UNC13C: variants seen among roughly 807,000 people sequenced by gnomAD.
UNC13C encodes unc-13 homolog C.
UNC13C carries 174 observed loss-of-function variants against 245.4 expected under a neutral mutation model. The observed-to-expected ratio is 0.71, with a 90% confidence interval of 0.63 to 0.80. UNC13C has a LOEUF of 0.80. Ranked by LOEUF, UNC13C falls within the 30% of genes least tolerant of loss-of-function variation. The pLI is 0.00. For synonymous variants in UNC13C, 992 were observed against 895.1 expected (o/e 1.11, Z -1.93); for missense variants, 2,829 against 2,602.9 (o/e 1.09, Z -1.89).
intron 30 of UNC13C, among the ~76,000 whole-genome samples, chr15:54,587,397 T>C (rs1399159381): frequency 6.6e-6 from 1 of 152,182 alleles, no homozygotes; most frequent in Non-Finnish European, 1.5e-5. Context: ...CTGCATGTCT[T>C]CCCAGTTTTT....
At chr15:53,858,666 G>A in the UNC13C span, among the ~76,000 whole-genome samples, 73,065 of 151,684 alleles carry the variant, frequency 0.48, 17,943 homozygotes, top group East Asian at 0.62. Flanking sequence ...TGATCCACCC[G>A]CCTCAGCATC....
chr15:54,175,194 T>C (rs2033564594), intron 4 of UNC13C, among the ~76,000 whole-genome samples: 2 of 152,184 alleles, frequency 1.3e-5, no homozygotes, highest in Non-Finnish European at 2.9e-5. Flanking sequence ...AAGCCCTAAA[T>C]CTTATCTCTC....
At chr15:54,250,178 A>G in intron 7 of UNC13C, 47 bp from the exon 8 acceptor site, 1 of 1,560,202 alleles carries the variant, frequency 6.4e-7, no homozygotes, top group East Asian at 2.2e-5. Context: ...AAACAATTCA[A>G]ATCCACTGAC....
intron 17 of UNC13C, among the ~76,000 whole-genome samples, chr15:54,368,353 T>G (rs2039413249): frequency 6.6e-6 from 1 of 152,104 alleles, no homozygotes; most frequent in Non-Finnish European, 1.5e-5. Context: ...CCTTTTAAAT[T>G]ATCAAATCTT....
At chr15:54,006,821 C>T (rs1238876448) in intron 1 of UNC13C, among the ~76,000 whole-genome samples, 1 of 152,192 alleles carries the variant, frequency 6.6e-6, no homozygotes, top group Non-Finnish European at 1.5e-5. Context: ...CCTTCCATCT[C>T]CAGCTACTCT....
At chr15:54,321,486 C>G (rs1176127681) in intron 13 of UNC13C, 1 of 481,370 alleles carries the variant, frequency 2.1e-6, no homozygotes, top group South Asian at 1.5e-5. Flanking sequence ...ACCTCCTCCA[C>G]AGTGGCATAT....
At chr15:54,138,927 G>GTGCATATA (rs2031869066) in intron 2 of UNC13C, among the ~76,000 whole-genome samples, 1 of 111,992 alleles carries the variant, frequency 8.9e-6, no homozygotes, top group East Asian at 2.7e-4. Flanking sequence ...ATTATTGTGT[G>GTGCATATA]TGCATATATC....
intron 2 of UNC13C, among the ~76,000 whole-genome samples, chr15:54,127,733 T>C (rs973696184): frequency 7.6e-6 from 1 of 131,012 alleles, no homozygotes; most frequent in African/African-American, 2.9e-5. Flanking sequence ...ATAAAATATA[T>C]ATTAAATATA....
intron 4 of UNC13C, among the ~76,000 whole-genome samples, chr15:54,201,552 G>A (rs2034523226): frequency 6.6e-6 from 1 of 151,654 alleles, no homozygotes; most frequent in East Asian, 1.9e-4. Flanking sequence ...AAACAGAATT[G>A]AAAACAAAAG....
chr15:54,372,939 T>C (rs2039523153), intron 17 of UNC13C, among the ~76,000 whole-genome samples: 1 of 152,198 alleles, frequency 6.6e-6, no homozygotes, highest in Non-Finnish European at 1.5e-5. Context: ...TTATGAACTA[T>C]GGTACTGGAT....
At chr15:54,228,930 G>T (rs576341310) in intron 4 of UNC13C, among the ~76,000 whole-genome samples, 3 of 152,168 alleles carry the variant, frequency 2.0e-5, no homozygotes, top group African/African-American at 7.2e-5. Context: ...AGGATTTTCA[G>T]TCCTTGTACC....
chr15:54,120,869 C>A (rs547100381), intron 2 of UNC13C, among the ~76,000 whole-genome samples: 1 of 151,980 alleles, frequency 6.6e-6, no homozygotes, highest in Non-Finnish European at 1.5e-5. Flanking sequence ...AGATATGAAG[C>A]CTGAAAGTGG....
chr15:54,302,846 G>A (rs1442526765), intron 13 of UNC13C, among the ~76,000 whole-genome samples: 1 of 152,034 alleles, frequency 6.6e-6, no homozygotes, highest in Non-Finnish European at 1.5e-5. Flanking sequence ...ACTTCCCAAA[G>A]TAATTGATAG....
chr15:53,992,318 T>C (rs1005398226), intron 1 of UNC13C, among the ~76,000 whole-genome samples: 2 of 152,094 alleles, frequency 1.3e-5, no homozygotes, highest in African/African-American at 4.8e-5. Context: ...ATATATAGCC[T>C]TTCTCCTCTC....
At chr15:54,572,388 GATC>G (rs1897793641) in intron 30 of UNC13C, among the ~76,000 whole-genome samples, 1 of 149,744 alleles carries the variant, frequency 6.7e-6, no homozygotes, top group African/African-American at 2.5e-5. Context: ...TTTACCTTAT[GATC>G]ATAAAACCCA....
intron 2 of UNC13C, among the ~76,000 whole-genome samples, chr15:54,085,322 A>G (rs1015218791): frequency 5.9e-5 from 9 of 152,180 alleles, no homozygotes; most frequent in Admixed American, 5.9e-4. Context: ...CACTTTTGAC[A>G]GGCCCTTAAA....
intron 10 of UNC13C, among the ~76,000 whole-genome samples, chr15:54,289,007 C>T (rs1194521174): frequency 6.6e-6 from 1 of 152,084 alleles, no homozygotes; most frequent in Non-Finnish European, 1.5e-5. Flanking sequence ...AAGGATGGTG[C>T]TGGAAAAGCC....
intron 2 of UNC13C, among the ~76,000 whole-genome samples, chr15:54,036,442 TA>T (rs1406851825): frequency 6.6e-6 from 1 of 152,204 alleles, no homozygotes; most frequent in African/African-American, 2.4e-5. Flanking sequence ...ATGCATTTCC[TA>T]AAGCCATTAG....
At chr15:54,073,925 T>C (rs1162563504) in intron 2 of UNC13C, among the ~76,000 whole-genome samples, 1 of 152,030 alleles carries the variant, frequency 6.6e-6, no homozygotes, top group African/African-American at 2.4e-5. Context: ...GCCGTTGTTT[T>C]TGGTGTTTTA....
Sources: gnomAD v4.1 joint callset for allele counts (sites outside exome capture counted in the v4.1 genomes callset) on GRCh38, gnomAD v4.1.1 for gene constraint, MANE v1.5 for transcripts, NCBI Gene and HGNC (gene_info 2026-07-23, HGNC 2026-07-21) for gene names.